IMPG2: variants seen among roughly 807,000 people sequenced by gnomAD.
The protein encoded by IMPG2 is IPM 200.
IMPG2 carries 91 observed loss-of-function variants against 129.2 expected under a neutral mutation model. The ratio of observed to expected loss-of-function variants is 0.70; its 90% CI spans 0.59 to 0.84. IMPG2 has a LOEUF of 0.84. IMPG2 is among the 40% of genes least tolerant of loss of function. The pLI, the probability that IMPG2 is intolerant of heterozygous loss-of-function variation, is 0.00. For missense variants in IMPG2, 1,430 were observed against 1,461.7 expected (o/e 0.98, Z 0.35); for synonymous variants, 510 against 517.7 (o/e 0.99, Z 0.20).
intron 9 of IMPG2, among the ~76,000 whole-genome samples, chr3:101,259,850 T>C (rs774947616): frequency 6.6e-6 from 1 of 152,106 alleles, no homozygotes; most frequent in Non-Finnish European, 1.5e-5. Context: ...CTCTTTTTGA[T>C]TTCAAGCTTG....
chr3:101,320,478 A>G lies in IMPG2; in HGVS notation c.-106T>C. ...AGTTATAGGAAAGACCTAACATTTA[A>G]AAGTCTATGTTTGAGAATGAACAAC... On this transcript the variant is annotated 5_prime_UTR_variant, in exon 1 of 19. Coordinates refer to ENST00000193391, the MANE Select transcript of IMPG2 (RefSeq NM_016247.4). 3 of 730,858 alleles carry G rather than the reference A, an allele frequency of 4.1e-6. No homozygotes were observed. Among genetic ancestry groups the G allele is most frequent in the Admixed American group, 4.4e-5 (2 of 45,366 alleles). 45.3% of individuals were successfully genotyped at this position (730,858 alleles called of 1,614,324 possible).
intron 3 of IMPG2, among the ~76,000 whole-genome samples, chr3:101,296,690 G>A (rs1027314885): frequency 1.2e-5 from 1 of 86,604 alleles, no homozygotes; most frequent in Non-Finnish European, 2.7e-5. Context: ...AATCCATCTG[G>A]TCCCAGGATT....
intron 2 of IMPG2, among the ~76,000 whole-genome samples, chr3:101,306,807 C>T (rs1236952717): frequency 1.3e-5 from 2 of 152,134 alleles, no homozygotes; most frequent in African/African-American, 4.8e-5. Context: ...AGAAGAATAT[C>T]TACATCACTT....
intron 7 of IMPG2, among the ~76,000 whole-genome samples, chr3:101,270,992 G>C (rs1277280366): frequency 6.6e-6 from 1 of 152,114 alleles, no homozygotes; most frequent in East Asian, 1.9e-4. Flanking sequence ...TATGAGGAGA[G>C]TGGGATTTTT....
intron 1 of IMPG2, 63 bp from the exon 2 acceptor site, chr3:101,319,895 A>G (rs2058803295): frequency 1.3e-6 from 2 of 1,542,370 alleles, no homozygotes; most frequent in Middle Eastern, 1.8e-4. Context: ...GGTAACAACT[A>G]AAGAAAAACT....
chr3:101,286,612 T>C (rs879460733), intron 4 of IMPG2, among the ~76,000 whole-genome samples: 1 of 152,204 alleles, frequency 6.6e-6, no homozygotes, highest in Non-Finnish European at 1.5e-5. Context: ...CATTTGTAGA[T>C]ATATGTACTC....
intron 11 of IMPG2, among the ~76,000 whole-genome samples, chr3:101,252,389 T>C (rs1706554354): frequency 6.6e-6 from 1 of 152,146 alleles, no homozygotes; most frequent in Non-Finnish European, 1.5e-5. Context: ...AAGCTCCTCC[T>C]GTGGTTAGAG....
At chr3:101,230,201 T>G (rs1347086661) in intron 16 of IMPG2, among the ~76,000 whole-genome samples, 1 of 152,212 alleles carries the variant, frequency 6.6e-6, no homozygotes, top group Non-Finnish European at 1.5e-5. Flanking sequence ...TTAGCCAAGT[T>G]GATGGTGAGA....
At chr3:101,247,563 C>T (rs868685537) in intron 11 of IMPG2, among the ~76,000 whole-genome samples, 1 of 151,746 alleles carries the variant, frequency 6.6e-6, no homozygotes, top group Non-Finnish European at 1.5e-5. Flanking sequence ...TGCCATTGTA[C>T]TCCAGCCTGG....
At chr3:101,297,199 C>T (rs1376016093) in intron 3 of IMPG2, among the ~76,000 whole-genome samples, 8 of 152,206 alleles carry the variant, frequency 5.3e-5, no homozygotes, top group Non-Finnish European at 5.9e-5. Context: ...TGAGCCACCA[C>T]GCCCGGCCGG....
intron 5 of IMPG2, among the ~76,000 whole-genome samples, chr3:101,275,979 T>C (rs2107253213): frequency 6.6e-6 from 1 of 152,230 alleles, no homozygotes; most frequent in Non-Finnish European, 1.5e-5. Context: ...TATGCCAGAC[T>C]CTGCACAAGA....
intron 10 of IMPG2, among the ~76,000 whole-genome samples, chr3:101,255,187 T>C (rs370842666): frequency 3.3e-5 from 5 of 152,136 alleles, no homozygotes; most frequent in South Asian, 2.1e-4. Flanking sequence ...TCTTTTGAGA[T>C]AGTGATCAAG....
intron 4 of IMPG2, 27 bp downstream of exon 4, chr3:101,291,452 T>C: frequency 6.2e-7 from 1 of 1,603,290 alleles, no homozygotes; most frequent in Non-Finnish European, 8.5e-7. Flanking sequence ...TTGCCAAACA[T>C]GAATTTTGGG....
rs1426330233 is a variant in IMPG2, at chr3:101,244,483, C to G, written c.1848G>C (p.Trp616Cys). 6.2e-7 allele frequency: 1 copy of G among 1,613,654 alleles called. No homozygotes were observed. The highest frequency in any genetic ancestry group is 1.7e-5 in the Admixed American group (1 of 59,982). Residue 616 changes from tryptophan to cysteine, a missense_variant, in exon 13 of 19, where the codon TGG (tryptophan) becomes TGC (cysteine). By Grantham distance (215) the Trp-to-Cys change is radical. Coordinates refer to ENST00000193391, the MANE Select transcript of IMPG2 (RefSeq NM_016247.4). ...CGCTCTTCTCTGATGAAGTCTCACT[C>G]CATGGCCAAGTAATCAGATCTACCT... ...GQKVDLITWP[W>C]SETSSEKSAE... is the part of the protein sequence containing the mutation.
rs755250590 is a variant in IMPG2 at position 101,244,177 on chromosome 3, G to T, written c.2154C>A (p.Thr718=). ...EVPGVDDYSV[T]KAPLILTSVA... Reference sequence around the variant, plus strand: ...CAGATGTCAGTATAAGAGGTGCTTTGGTAACTGAGTAATCATCAACACCAG... The same window carrying T: ...CAGATGTCAGTATAAGAGGTGCTTTTGTAACTGAGTAATCATCAACACCAG... The change falls in exon 13 of 19, where the codon ACC becomes ACA. Residue 718 remains threonine (T), a synonymous_variant. Transcript: ENST00000193391. 2.7e-5 allele frequency: 44 copies of T among 1,613,876 alleles called. No homozygotes were observed. The Admixed American group carries it at 3.3e-4, about 12-fold the overall frequency.
intron 14 of IMPG2, among the ~76,000 whole-genome samples, chr3:101,234,219 G>A (rs1706321490): frequency 6.6e-6 from 1 of 150,600 alleles, no homozygotes; most frequent in Non-Finnish European, 1.5e-5. Context: ...GTCCTTATAA[G>A]AAGAGGGAAA....
rs199570786 is a variant in IMPG2 at position 101,310,559 on chromosome 3, C to CAA, written c.335-6249_335-6248dup. On this transcript the variant is annotated intron_variant, in intron 2 of 18. Transcript: ENST00000193391. The stretch of plus-strand genomic sequence containing the variant: ...TGGGTGACAAAGTGAGACCCTGTCT[C>CAA]AAAAAAAAAAAAAAAAAAAAAAAAA... Among the ~76,000 whole-genome samples the CAA allele has an allele frequency of 6.4e-4, 81 of 126,494 alleles. 3 individuals carry two copies. The highest frequency in any genetic ancestry group is 1.8e-3 in the African/African-American group (53 of 29,124). The allele number at this position is 126,494 out of a possible 152,430, so 83.0% of individuals were successfully genotyped here. A position where few individuals can be genotyped will look rare whatever the true frequency, so the allele number is the denominator to read the frequency against.
chr3:101,303,397 G>A (rs475521), intron 3 of IMPG2, among the ~76,000 whole-genome samples: 110,134 of 152,094 alleles, frequency 0.72, 40,859 homozygotes, highest in East Asian at 0.84. Context: ...GTGGGAGCTC[G>A]AAGAATAATG....
intron 10 of IMPG2, among the ~76,000 whole-genome samples, chr3:101,254,967 C>G (rs2107231061): frequency 6.6e-6 from 1 of 152,136 alleles, no homozygotes; most frequent in South Asian, 2.1e-4. Flanking sequence ...CTTCCCCTAC[C>G]TCCCTCCTGC....
Sources: allele counts gnomAD v4.1 joint callset (sites outside exome capture counted in the v4.1 genomes callset), GRCh38; gene constraint gnomAD v4.1.1; transcripts MANE v1.5; gene names NCBI Gene and HGNC (gene_info 2026-07-23, HGNC 2026-07-21).